ABHD12B: variants seen among roughly 807,000 people sequenced by gnomAD.
ABHD12B encodes abhydrolase domain containing 12B, also known as protein ABHD12B.
A neutral mutation model predicts 50.4 loss-of-function variants in ABHD12B; 42 were observed. That is an observed-to-expected ratio of 0.83 (90% CI 0.65 to 1.08). The LOEUF (loss-of-function observed/expected upper bound fraction) is 1.08, where lower values mean the gene tolerates loss of function less well. ABHD12B is among the 50% of genes least tolerant of loss of function. The probability of loss-of-function intolerance (pLI) is 0.00; values close to 1 mark genes in which losing one functional copy is unlikely to be tolerated. For missense variants in ABHD12B, 479 were observed against 447.7 expected (o/e 1.07, Z -0.63); for synonymous variants, 167 against 160.3 (o/e 1.04, Z -0.32).
rs145563933 is a variant in ABHD12B, at chr14:50,896,574, T to C, written c.781-5255T>C. On this transcript the variant is annotated intron_variant, in intron 9 of 12. Transcript: ENST00000337334. Reference sequence around the variant, plus strand: ...CACCTTAACTGAGTGATTAACCCTGTGAATTTCCTTCTCCTGGCTCAGAAG... The same window carrying C: ...CACCTTAACTGAGTGATTAACCCTGCGAATTTCCTTCTCCTGGCTCAGAAG... Among the ~76,000 whole-genome samples, 415 of 147,342 alleles carry C rather than the reference T, an allele frequency of 2.8e-3. 3 individuals are homozygous for C. The highest frequency in any genetic ancestry group is 9.3e-3 in the African/African-American group (384 of 41,156).
intron 3 of ABHD12B, 68 bp from the exon 4 acceptor site, chr14:50,880,384 C>T: frequency 6.7e-7 from 1 of 1,482,176 alleles, no homozygotes; most frequent in Non-Finnish European, 9.0e-7. Context: ...CATAAGGAGA[C>T]TTTCGGCCTT....
At chr14:50,888,479 G>A (rs1226084888) in intron 8 of ABHD12B, among the ~76,000 whole-genome samples, 1 of 152,170 alleles carries the variant, frequency 6.6e-6, no homozygotes, top group Non-Finnish European at 1.5e-5. Flanking sequence ...TAGTATTACA[G>A]GTGTGAGCCA....
intron 9 of ABHD12B, among the ~76,000 whole-genome samples, chr14:50,890,850 A>C (rs113802226): frequency 7.2e-5 from 11 of 152,366 alleles, no homozygotes; most frequent in African/African-American, 2.6e-4. Context: ...TGGGGTAATA[A>C]GGTATCCATA....
chr14:50,899,122 G>T (rs1456948844), intron 9 of ABHD12B, among the ~76,000 whole-genome samples: 1 of 152,156 alleles, frequency 6.6e-6, no homozygotes, highest in African/African-American at 2.4e-5. Flanking sequence ...GAACCCGGGA[G>T]GCGGAGGTGC....
At position 50,896,380 on chromosome 14, in the gene ABHD12B, A is replaced by C. The variant is rs544975638; in HGVS notation, c.781-5449A>C. Among the ~76,000 whole-genome samples the C allele has an allele frequency of 2.0e-4, 30 of 152,310 alleles. No homozygotes were observed. The South Asian group carries it at 3.9e-3, about 20-fold the overall frequency. Reference sequence around the variant, plus strand: ...TTGTTTTATTTTTCTTATTAATATAAGAAGGCAGGAATGTCAGGCCTCTGA... The same window carrying C: ...TTGTTTTATTTTTCTTATTAATATACGAAGGCAGGAATGTCAGGCCTCTGA... On this transcript the variant is annotated intron_variant, in intron 9 of 12. Coordinates refer to ENST00000337334, the MANE Select transcript of ABHD12B (RefSeq NM_001206673.2).
intron 3 of ABHD12B, 53 bp from the exon 4 acceptor site, chr14:50,880,399 A>C (rs2049922337): frequency 2.0e-6 from 3 of 1,505,914 alleles, no homozygotes; most frequent in Admixed American, 4.6e-5. Flanking sequence ...GGCCTTTGGA[A>C]AGGATGGAGA....
intron 9 of ABHD12B, among the ~76,000 whole-genome samples, chr14:50,889,632 G>A (rs115520591): frequency 0.011 from 1,735 of 152,194 alleles, 32 homozygotes; most frequent in African/African-American, 0.039. Flanking sequence ...GTGAGACTTC[G>A]TCTCAAAGAA....
chr14:50,889,718 T>C (rs1246638369), intron 9 of ABHD12B, among the ~76,000 whole-genome samples: 1 of 152,170 alleles, frequency 6.6e-6, no homozygotes, highest in African/African-American at 2.4e-5. Flanking sequence ...TTGTTTAGAG[T>C]TGTACGTACG....
At chr14:50,878,979 C>T in intron 3 of ABHD12B, 132 bp downstream of exon 3, 1 of 709,546 alleles carries the variant, frequency 1.4e-6, no homozygotes, top group Non-Finnish European at 2.5e-6. Context: ...CTGTTTCCTA[C>T]ACCTTCCTCT....
chr14:50,881,480 C>A, intron 4 of ABHD12B, 116 bp from the exon 5 acceptor site: 1 of 1,108,394 alleles, frequency 9.0e-7, no homozygotes, highest in South Asian at 1.8e-5. Flanking sequence ...TTCCTCCAAC[C>A]TGAAAGAGAA....
In ABHD12B at chr14:50,878,060, G is replaced by A. The variant is rs932579238; in HGVS notation, c.213G>A (p.Met71Ile). The A allele has an allele frequency of 6.5e-7, 1 of 1,527,460 alleles. No homozygotes were observed. The highest frequency in any genetic ancestry group is 8.7e-7 in the Non-Finnish European group (1 of 1,144,196). The allele number at this position is 1,527,460 out of a possible 1,614,324, so 94.6% of individuals were successfully genotyped here. Residue 71 changes from methionine (M) to isoleucine (I), a missense_variant, in exon 2 of 13, where the codon ATG (methionine) becomes ATA (isoleucine). Met to Ile is a conservative substitution (Grantham distance 10). Coordinates refer to ENST00000337334, the MANE Select transcript of ABHD12B (RefSeq NM_001206673.2). ...KEHVFLPLIDMLIYFNFFKAP... is the reference protein window; with the variant it reads ...KEHVFLPLIDILIYFNFFKAP... ...ACGTTTTCCTTCCTCTGATAGACAT[G>A]CTAATTTATTTTAATTTTTGTAAGT...
At position 50,872,152 on chromosome 14, in the gene ABHD12B, G is replaced by A. The variant is rs761230912; in HGVS notation, c.-23G>A. ...GGACTGCAGCTCCCGCGGCGGTGGC[G>A]GCGTATCGGGACACGGCGCGGGATG... On this transcript the variant is annotated 5_prime_UTR_variant, in exon 1 of 13. Transcript: ENST00000337334. 1 of 1,277,440 alleles carries A rather than the reference G, an allele frequency of 7.8e-7. No individual in the cohort carries two copies. Among genetic ancestry groups the A allele is most frequent in the Admixed American group, 4.1e-5 (1 of 24,572 alleles). The allele number at this position is 1,277,440 out of a possible 1,614,324, so 79.1% of individuals were successfully genotyped here. A position where few individuals can be genotyped will look rare whatever the true frequency, so the allele number is the denominator to read the frequency against.
intron 10 of ABHD12B, among the ~76,000 whole-genome samples, 177 bp from the exon 11 acceptor site, chr14:50,903,211 GA>G (rs1470571086): frequency 1.3e-5 from 2 of 151,618 alleles, no homozygotes; most frequent in Non-Finnish European, 2.9e-5. Flanking sequence ...CTTGCATGGA[GA>G]AAAAAAGCTA....
intron 1 of ABHD12B, among the ~76,000 whole-genome samples, chr14:50,874,927 T>G (rs1391393389): frequency 6.6e-6 from 1 of 152,264 alleles, no homozygotes; most frequent in Non-Finnish European, 1.5e-5. Flanking sequence ...TCCTCTTTCC[T>G]CTGAAGCTAC....
intron 5 of ABHD12B, among the ~76,000 whole-genome samples, chr14:50,884,530 G>A (rs1366150607): frequency 6.6e-6 from 1 of 152,170 alleles, no homozygotes; most frequent in Non-Finnish European, 1.5e-5. Flanking sequence ...AGCCAGTTGG[G>A]TGATGTTAAA....
At chr14:50,873,905 T>A (rs2049822360) in intron 1 of ABHD12B, among the ~76,000 whole-genome samples, 1 of 152,178 alleles carries the variant, frequency 6.6e-6, no homozygotes, top group Non-Finnish European at 1.5e-5. Context: ...TACTAATTAG[T>A]GAAAAAAGTC....
At chr14:50,886,252 AC>A (rs2050035554) in intron 7 of ABHD12B, among the ~76,000 whole-genome samples, 1 of 152,044 alleles carries the variant, frequency 6.6e-6, no homozygotes, top group African/African-American at 2.4e-5. Flanking sequence ...AGCCTGGCCA[AC>A]ATGGCCAAAC....
chr14:50,896,749 A>C (rs1484810807), intron 9 of ABHD12B, among the ~76,000 whole-genome samples: 4 of 151,988 alleles, frequency 2.6e-5, no homozygotes, highest in African/African-American at 4.8e-5. Flanking sequence ...CAAATCCTAT[A>C]AAACGGCCCC....
intron 9 of ABHD12B, chr14:50,892,516 TG>T: frequency 1.0e-6 from 1 of 985,440 alleles, no homozygotes; most frequent in Non-Finnish European, 1.2e-6. Context: ...TTAGGAGTGA[TG>T]GCTTCTGTCA....
Sources: gnomAD v4.1 joint callset for allele counts (sites outside exome capture counted in the v4.1 genomes callset) on GRCh38, gnomAD v4.1.1 for gene constraint, MANE v1.5 for transcripts, NCBI Gene and HGNC (gene_info 2026-07-23, HGNC 2026-07-21) for gene names.